TBCE: variants seen among roughly 807,000 people sequenced by gnomAD.
TBCE encodes tubulin-specific chaperone E.
Under a neutral mutation model 77.0 loss-of-function variants are expected in TBCE, and 53 were observed. The observed-to-expected ratio is 0.69, with a 90% CI of 0.55 to 0.87. The LOEUF is 0.87. TBCE is among the 40% of genes least tolerant of loss of function. The pLI is 0.00. For synonymous variants in TBCE, 235 were observed against 241.3 expected (o/e 0.97, Z 0.24); for missense variants, 624 against 622.4 (o/e 1.00, Z -0.03).
intron 2 of TBCE, among the ~76,000 whole-genome samples, chr1:235,380,521 CT>C (rs1336456415): frequency 1.3e-5 from 2 of 152,008 alleles, no homozygotes; most frequent in African/African-American, 4.8e-5. Flanking sequence ...GTGTAGGTAT[CT>C]AATATAGTTT....
intron 13 of TBCE, among the ~76,000 whole-genome samples, chr1:235,439,296 C>T (rs1028965583): frequency 6.7e-6 from 1 of 149,208 alleles, no homozygotes; most frequent in Non-Finnish European, 1.5e-5. Flanking sequence ...TCGAGACCAT[C>T]CTAGCTAACA....
In TBCE at chr1:235,448,989, A is replaced by G. The variant is rs562656404; in HGVS notation, c.*227A>G. ...ACTAATGATTTTCTGATCTTATTTC[A>G]TATTTATTTTTACAGCTCATCACTG... On this transcript the variant is annotated 3_prime_UTR_variant, in exon 17 of 17. Transcript: ENST00000642610. 165 of 457,592 alleles carry G rather than the reference A, an allele frequency of 3.6e-4. 2 individuals carry two copies. The highest frequency in any genetic ancestry group is 3.4e-3 in the South Asian group (160 of 46,868). 28.3% of individuals were successfully genotyped at this position (457,592 alleles called of 1,614,324 possible). A position where few individuals can be genotyped will look rare whatever the true frequency, so the allele number is the denominator to read the frequency against.
chr1:235,449,118 T>G lies in TBCE; in HGVS notation c.*356T>G. 3.5e-6 allele frequency: 1 copy of G among 284,956 alleles called. No homozygotes were observed. The highest frequency in any genetic ancestry group is 6.8e-6 in the Non-Finnish European group (1 of 147,310). The allele number at this position is 284,956 out of a possible 1,614,324, so 17.7% of individuals were successfully genotyped here. A position where few individuals can be genotyped will look rare whatever the true frequency, so the allele number is the denominator to read the frequency against. Reference sequence around the variant, plus strand: ...CATAAGACTAGTTTTAATGGAATTCTCTATTGAAACTACTATTTTAAAGGG... The same window carrying G: ...CATAAGACTAGTTTTAATGGAATTCGCTATTGAAACTACTATTTTAAAGGG... On this transcript the variant is annotated 3_prime_UTR_variant, in exon 17 of 17. Coordinates refer to ENST00000642610, the MANE Select transcript of TBCE (RefSeq NM_003193.5).
intron 2 of TBCE, among the ~76,000 whole-genome samples, chr1:235,391,583 C>G (rs1678394282): frequency 6.8e-6 from 1 of 147,434 alleles, no homozygotes; most frequent in African/African-American, 2.5e-5. Flanking sequence ...GTTACCATAC[C>G]ATATTTGCTT....
intron 6 of TBCE, among the ~76,000 whole-genome samples, chr1:235,428,320 T>C (rs999130879): frequency 3.3e-5 from 5 of 152,136 alleles, no homozygotes; most frequent in Non-Finnish European, 7.4e-5. Context: ...CGAGACTCCA[T>C]CTCAGAAAAC....
intron 1 of TBCE, among the ~76,000 whole-genome samples, chr1:235,371,406 C>T (rs1382105707): frequency 6.9e-6 from 1 of 145,310 alleles, no homozygotes; most frequent in Non-Finnish European, 1.5e-5. Context: ...GACAGGGTCT[C>T]CCTCTGTCAC....
chr1:235,446,364 A>T lies in TBCE; in HGVS notation c.1400-1985A>T, dbSNP rs543565470. Among the ~76,000 whole-genome samples, 3 of 152,144 alleles carry T rather than the reference A, an allele frequency of 2.0e-5. No homozygotes were observed. The South Asian group carries it at 6.2e-4, about 32-fold the overall frequency. On this transcript the variant is annotated intron_variant, in intron 15 of 16. Transcript: ENST00000642610. ...GCTAATTTTTGTATTTTTAGTAGAG[A>T]CGGGGTTTCTCCATGTTGGCCAGGC...
chr1:235,439,239 C>T (rs1334318363), intron 13 of TBCE, among the ~76,000 whole-genome samples: 1 of 151,610 alleles, frequency 6.6e-6, no homozygotes, highest in Non-Finnish European at 1.5e-5. Flanking sequence ...GGCCTGTAAT[C>T]CCAGCATTTT....
intron 2 of TBCE, among the ~76,000 whole-genome samples, chr1:235,389,505 G>T (rs757657494): frequency 7.9e-5 from 12 of 151,894 alleles, no homozygotes; most frequent in Admixed American, 1.3e-4. Context: ...TTTTTGCATG[G>T]TTTTTTTGGT....
chr1:235,448,960 A>T lies in TBCE; in HGVS notation c.*198A>T, dbSNP rs1053160965. 3.7e-5 allele frequency: 19 copies of T among 517,914 alleles called. No homozygotes were observed. Among genetic ancestry groups the T allele is most frequent in the Middle Eastern group, 3.3e-4 (1 of 2,996 alleles). The allele number at this position is 517,914 out of a possible 1,614,324, so 32.1% of individuals were successfully genotyped here. ...ATAATAGCAATAATAAAGGCTTTGA[A>T]CCTACTAATGATTTTCTGATCTTAT... On this transcript the variant is annotated 3_prime_UTR_variant, in exon 17 of 17. Transcript: ENST00000642610.
chr1:235,390,651 C>T (rs1282806915), intron 2 of TBCE, among the ~76,000 whole-genome samples: 1 of 151,246 alleles, frequency 6.6e-6, no homozygotes, highest in Non-Finnish European at 1.5e-5. Context: ...ATCCGAGCTA[C>T]TTGGGAGGCT....
chr1:235,419,461 T>G lies in TBCE; in HGVS notation c.372-12T>G. The G allele has an allele frequency of 6.2e-7, 1 of 1,614,150 alleles. No individual in the cohort carries two copies. The highest frequency in any genetic ancestry group is 8.5e-7 in the Non-Finnish European group (1 of 1,180,036). On this transcript the variant is annotated splice_polypyrimidine_tract_variant and intron_variant, in intron 4 of 16. Coordinates refer to ENST00000642610, the MANE Select transcript of TBCE (RefSeq NM_003193.5). ...TGCTTATGTATCCATGTGAACTCTG[T>G]TTTTCATGCAGTCAGCTGAGCAAGT...
At chr1:235,443,236 CTG>C (rs1047983967) in intron 15 of TBCE, among the ~76,000 whole-genome samples, 2 of 152,036 alleles carry the variant, frequency 1.3e-5, no homozygotes, top group Admixed American at 1.3e-4. Flanking sequence ...GGGCCTCACT[CTG>C]TCACCCAGGT....
At chr1:235,386,727 C>T (rs1323399415) in intron 2 of TBCE, among the ~76,000 whole-genome samples, 2 of 152,264 alleles carry the variant, frequency 1.3e-5, no homozygotes, top group Middle Eastern at 3.4e-3. Context: ...TTTTTAACTT[C>T]TTTGCCTTTG....
At chr1:235,430,923 A>G (rs1231255994) in intron 7 of TBCE, 119 bp downstream of exon 7, 3 of 836,490 alleles carry the variant, frequency 3.6e-6, no homozygotes, top group Non-Finnish European at 5.9e-6. Context: ...TCATCCCAGT[A>G]TCTATTAATA....
chr1:235,399,362 G>C (rs1678944576), intron 2 of TBCE, among the ~76,000 whole-genome samples: 1 of 152,138 alleles, frequency 6.6e-6, no homozygotes, highest in Non-Finnish European at 1.5e-5. Context: ...CATACCTCTT[G>C]TTACAGTCTT....
intron 12 of TBCE, 37 bp downstream of exon 12, chr1:235,437,511 T>C (rs774596034): frequency 6.2e-7 from 1 of 1,611,042 alleles, no homozygotes; most frequent in Non-Finnish European, 8.5e-7. Flanking sequence ...TTTTTTAGAC[T>C]AGAAAATAAA....
chr1:235,405,627 CTG>C (rs1679380226), intron 3 of TBCE, among the ~76,000 whole-genome samples: 1 of 151,234 alleles, frequency 6.6e-6, no homozygotes, highest in Non-Finnish European at 1.5e-5. Context: ...CAGAGTGAAA[CTG>C]TGTCTCAAAA....
chr1:235,384,686 G>T (rs533933910), intron 2 of TBCE, among the ~76,000 whole-genome samples: 1 of 151,540 alleles, frequency 6.6e-6, no homozygotes, highest in Admixed American at 6.6e-5. Flanking sequence ...TTTTTATTGC[G>T]TCTATTTGAT....
Sources: gnomAD v4.1 joint callset for allele counts (sites outside exome capture counted in the v4.1 genomes callset) on GRCh38, gnomAD v4.1.1 for gene constraint, MANE v1.5 for transcripts, NCBI Gene and HGNC (gene_info 2026-07-23, HGNC 2026-07-21) for gene names.